AMPD2: variants seen among roughly 807,000 people sequenced by gnomAD.
AMPD2 encodes adenosine monophosphate deaminase 2.
A neutral mutation model predicts 91.3 loss-of-function variants in AMPD2; 52 were observed. That is an observed-to-expected ratio of 0.57 (90% CI 0.46 to 0.72). The LOEUF is 0.72. Among genes scored for constraint, AMPD2 ranks in the 30% least tolerant of loss-of-function variants. The probability of loss-of-function intolerance (pLI) is 0.00; values close to 1 mark genes in which losing one functional copy is unlikely to be tolerated. For synonymous variants in AMPD2, 455 were observed against 456.4 expected, an observed-to-expected ratio of 1.00 and a Z score of 0.04; for missense variants, 822 against 1,122.3, an observed-to-expected ratio of 0.73 and a Z score of 3.82.
In AMPD2 at chr1:109,626,184, G is replaced by A. The variant is rs1322315161; in HGVS notation, c.378G>A (p.Arg126=). Residue 126 remains arginine (R), a synonymous_variant, in exon 5 of 19, where the codon CGG becomes CGA. Coordinates refer to ENST00000528667, the MANE Select transcript of AMPD2 (RefSeq NM_001368809.2). ...GGCTGGAGCCAGACATCCTGCTTCG[G>A]GCCAAGCAAGATTTCCTGAAGACGG... ...DVKLEPDILL[R]AKQDFLKTDS... is the part of the protein sequence containing the mutation. 1 of 1,614,158 alleles carries A rather than the reference G, an allele frequency of 6.2e-7. No homozygotes were observed. The highest frequency in any genetic ancestry group is 8.5e-7 in the Non-Finnish European group (1 of 1,180,012).
Position 109,625,508 on chromosome 1 carries a change from A to C in AMPD2, c.222+75A>C. 2 of 1,604,542 alleles carry C rather than the reference A, an allele frequency of 1.2e-6. No individual in the cohort carries two copies. Reference sequence around the variant, plus strand: ...CTCTGCTCCCCACACCCCTCACCTCAAGCTGTCCCCTCACCTCACGCTTGG... The same window carrying C: ...CTCTGCTCCCCACACCCCTCACCTCCAGCTGTCCCCTCACCTCACGCTTGG... On this transcript the variant is annotated intron_variant, in intron 3 of 18. Coordinates refer to ENST00000528667, the MANE Select transcript of AMPD2 (RefSeq NM_001368809.2). This position sits in a 1 kb window ranked among gnomAD's most constrained non-coding sequence, Gnocchi z 4.0.
In AMPD2 at chr1:109,626,401, A is replaced by T. The variant is rs773614792; in HGVS notation, c.505A>T (p.Thr169Ser). ...GCTGGAACGGGAGTTTCAGCGGGTC[A>T]CCATCTCTGGGGAGGAGAAGTGTGG... ...DVLEREFQRV[T>S]ISGEEKCGVP... is the part of the protein sequence containing the mutation. Residue 169 changes from threonine (T) to serine (S), a missense_variant, in exon 6 of 19, where the codon ACC becomes TCC. By Grantham distance (58) the Thr-to-Ser change is moderately conservative (BLOSUM62 1). Coordinates refer to ENST00000528667, the MANE Select transcript of AMPD2 (RefSeq NM_001368809.2). The T allele has an allele frequency of 1.2e-6, 2 of 1,611,394 alleles. No homozygotes were observed. The highest frequency in any genetic ancestry group is 2.7e-5 in the African/African-American group (2 of 74,730).
chr1:109,629,753 T>C, intron 15 of AMPD2, 43 bp from the exon 16 acceptor site: 1 of 1,550,890 alleles, frequency 6.4e-7, no homozygotes, highest in South Asian at 1.2e-5. Context: ...TGAGCCCAGG[T>C]GATCCCAGGC....
Position 109,625,782 on chromosome 1 carries a change from C to T in AMPD2, c.343C>T (p.Gln115Ter). 6.2e-7 allele frequency: 1 copy of T among 1,614,010 alleles called. No individual in the cohort carries two copies. The highest frequency in any genetic ancestry group is 8.5e-7 in the Non-Finnish European group (1 of 1,180,012). Residue 115 changes from glutamine to a stop codon, truncating the protein, a stop_gained, in exon 4 of 19, where the codon CAG becomes TAG. Transcript: ENST00000528667. LOFTEE classifies it high-confidence loss of function. The surrounding 1 kb of genome is among the most constrained non-coding windows in gnomAD (Gnocchi z 4.0). ...RRQRLERQIS[Q>*]DVKLEPDILL... is the part of the protein sequence containing the mutation. Reference sequence around the variant, plus strand: ...GCAGCGGCTGGAGCGGCAGATCAGCCAGGATGTCAAGTGAGCCCGGCAGGC... The same window carrying T: ...GCAGCGGCTGGAGCGGCAGATCAGCTAGGATGTCAAGTGAGCCCGGCAGGC...
Position 109,628,893 on chromosome 1 carries a change from C to A in AMPD2, c.1571+87C>A. 1 of 1,480,640 alleles carries A rather than the reference C, an allele frequency of 6.8e-7. No individual in the cohort carries two copies. The highest frequency in any genetic ancestry group is 1.3e-5 in the South Asian group (1 of 75,434). The allele number at this position is 1,480,640 out of a possible 1,614,324, so 91.7% of individuals were successfully genotyped here. A position where few individuals can be genotyped will look rare whatever the true frequency, so the allele number is the denominator to read the frequency against. On this transcript the variant is annotated intron_variant, in intron 13 of 18. Transcript: ENST00000528667. The surrounding 1 kb of genome is among the most constrained non-coding windows in gnomAD (Gnocchi z 7.1). ...CTCCTGCCCTCCTAGGATGGCTGAG[C>A]CTCCCTTGTCCCTGCCAACCCCTCT...
chr1:109,626,056 A>T (rs1650650819), intron 4 of AMPD2, 104 bp from the exon 5 acceptor site: 1 of 1,312,058 alleles, frequency 7.6e-7, no homozygotes. Context: ...GCCTTTGAGG[A>T]TCACATGTGA....
intron 2 of AMPD2, chr1:109,623,844 A>C: frequency 5.0e-6 from 1 of 201,554 alleles, no homozygotes; most frequent in Non-Finnish European, 8.8e-6. Flanking sequence ...CTGGCACTGT[A>C]GAGGTGGAGG....
chr1:109,626,483 C>T (rs907498226), intron 6 of AMPD2, 56 bp downstream of exon 6: 1 of 1,500,788 alleles, frequency 6.7e-7, no homozygotes, highest in Non-Finnish European at 9.0e-7. Context: ...TAGTGGGTTC[C>T]CCCAGCCTGG....
chr1:109,630,610 T>C, intron 17 of AMPD2, 73 bp from the exon 18 acceptor site: 1 of 1,306,126 alleles, frequency 7.7e-7, no homozygotes, highest in Non-Finnish European at 1.1e-6. Context: ...GGAGAGTGAG[T>C]GAGGAGGCTG....
Position 109,630,277 on chromosome 1 carries a change from C to T in AMPD2, c.2028C>T (p.Ile676=), listed in dbSNP as rs749211187. 3 of 1,613,834 alleles carry T rather than the reference C, an allele frequency of 1.9e-6. No individual in the cohort carries two copies. The highest frequency in any genetic ancestry group is 1.1e-5 in the South Asian group (1 of 91,078). ...TGTACTACCTGGCCCAGATCGGCAT[C>T]GCCATGTCTCCGCTCAGCAACAACA... ...QYLYYLAQIG[I]AMSPLSNNSL... The change falls in exon 17 of 19, where the codon ATC becomes ATT. Residue 676 remains isoleucine, a synonymous_variant. Coordinates refer to ENST00000528667, the MANE Select transcript of AMPD2 (RefSeq NM_001368809.2).
Position 109,631,457 on chromosome 1 carries a change from C to G in AMPD2, c.*305C>G, listed in dbSNP as rs1437341538. 1.0e-5 allele frequency: 5 copies of G among 479,796 alleles called. No individual in the cohort carries two copies. Among genetic ancestry groups the G allele is most frequent in the Non-Finnish European group, 1.9e-5 (5 of 263,086 alleles). The allele number at this position is 479,796 out of a possible 1,614,324, so 29.7% of individuals were successfully genotyped here. ...TGGGCTTCTCCAGTGTCCACAGGGGCTTGGGATGGTTGTGGGGGGCTGGCC... is the reference window on the plus strand; with the variant it reads ...TGGGCTTCTCCAGTGTCCACAGGGGGTTGGGATGGTTGTGGGGGGCTGGCC... On this transcript the variant is annotated 3_prime_UTR_variant, in exon 19 of 19. Coordinates refer to ENST00000528667, the MANE Select transcript of AMPD2 (RefSeq NM_001368809.2).
intron 1 of AMPD2, 141 bp from the exon 2 acceptor site, chr1:109,620,773 G>A: frequency 2.3e-6 from 3 of 1,292,510 alleles, no homozygotes; most frequent in Non-Finnish European, 2.0e-6. Flanking sequence ...TAGCTGGAAG[G>A]ACCAGCTAGC....
intron 2 of AMPD2, 23 bp downstream of exon 2, chr1:109,621,289 CA>C: frequency 6.2e-7 from 1 of 1,610,230 alleles, no homozygotes; most frequent in Non-Finnish European, 8.5e-7. Flanking sequence ...TTCCTGGCCT[CA>C]GGATAGATGC....
chr1:109,625,185 G>T lies in AMPD2; in HGVS notation c.92-118G>T. On this transcript the variant is annotated intron_variant, in intron 2 of 18. Transcript: ENST00000528667. The surrounding 1 kb of genome is among the most constrained non-coding windows in gnomAD (Gnocchi z 4.0). ...GGCCTACTCCTCAGCTACTGAGGAGGGACTGCCCTCTTTCCCGACCCTGGG... is the reference window on the plus strand; with the variant it reads ...GGCCTACTCCTCAGCTACTGAGGAGTGACTGCCCTCTTTCCCGACCCTGGG... The T allele has an allele frequency of 7.1e-7, 1 of 1,401,348 alleles. No individual in the cohort carries two copies. The highest frequency in any genetic ancestry group is 9.7e-7 in the Non-Finnish European group (1 of 1,032,624). 86.8% of individuals were successfully genotyped at this position (1,401,348 alleles called of 1,614,324 possible). A position where few individuals can be genotyped will look rare whatever the true frequency, so the allele number is the denominator to read the frequency against.
chr1:109,629,049 C>T (rs1003551045), intron 13 of AMPD2, 60 bp from the exon 14 acceptor site: 36 of 1,595,262 alleles, frequency 2.3e-5, no homozygotes, highest in South Asian at 9.1e-5. Context: ...CTTGCTGGAC[C>T]GCTGGGTTTC....
chr1:109,623,315 C>T (rs571683936), intron 2 of AMPD2, among the ~76,000 whole-genome samples: 1 of 152,162 alleles, frequency 6.6e-6, no homozygotes, highest in Admixed American at 6.5e-5. Flanking sequence ...GAGACATGCC[C>T]GGAAGCAGGA....
Position 109,628,467 on chromosome 1 carries a change from C to T in AMPD2, c.1379C>T (p.Ser460Phe). ...EIFIKTDNRV[S>F]GKYFAHIIKE... is the part of the protein sequence containing the mutation. ...TTCATCAAGACGGACAACAGGGTAT[C>T]TGGGAAGTACTTTGCTCACATCATC... Residue 460 changes from serine to phenylalanine, a missense_variant, in exon 12 of 19, where the codon TCT (serine) becomes TTT (phenylalanine). By Grantham distance (155) the Ser-to-Phe change is radical. Transcript: ENST00000528667. This position sits in a 1 kb window ranked among gnomAD's most constrained non-coding sequence, Gnocchi z 7.1. The T allele has an allele frequency of 6.2e-7, 1 of 1,613,074 alleles. No homozygotes were observed. The highest frequency in any genetic ancestry group is 1.1e-5 in the South Asian group (1 of 91,076).
chr1:109,620,744 A>T (rs1323484452), intron 1 of AMPD2, 170 bp from the exon 2 acceptor site: 1 of 1,246,098 alleles, frequency 8.0e-7, no homozygotes, highest in Non-Finnish European at 1.0e-6. Context: ...CCTGTTTGTT[A>T]TTCTTTTTTC....
chr1:109,625,935 G>T lies in AMPD2; in HGVS notation c.353+143G>T, dbSNP rs550959557. The stretch of plus-strand genomic sequence containing the variant: ...AGTGGGCTTTGGAGTCGGGCTGCTG[G>T]GTTCTGTTCTGTCTTCTAGCCGCCG... On this transcript the variant is annotated intron_variant, in intron 4 of 18. Coordinates refer to ENST00000528667, the MANE Select transcript of AMPD2 (RefSeq NM_001368809.2). This position sits in a 1 kb window ranked among gnomAD's most constrained non-coding sequence, Gnocchi z 4.0. 6 of 1,366,082 alleles carry T rather than the reference G, an allele frequency of 4.4e-6. No individual in the cohort carries two copies. In the East Asian group the frequency reaches 1.3e-4, roughly 29 times the overall value. The allele number at this position is 1,366,082 out of a possible 1,614,324, so 84.6% of individuals were successfully genotyped here. A position where few individuals can be genotyped will look rare whatever the true frequency, so the allele number is the denominator to read the frequency against.
Sources: gnomAD v4.1 joint callset for allele counts (sites outside exome capture counted in the v4.1 genomes callset) on GRCh38, gnomAD v4.1.1 for gene constraint, Gnocchi (gnomAD v3.1) non-coding constraint, MANE v1.5 for transcripts, NCBI Gene and HGNC (gene_info 2026-07-23, HGNC 2026-07-21) for gene names.